ADH1B: variants seen among roughly 807,000 people sequenced by gnomAD.
The protein encoded by ADH1B is alcohol dehydrogenase 1B (class I), beta polypeptide, also known as all-trans-retinol dehydrogenase [NAD(+)] ADH1B.
A neutral mutation model predicts 34.6 loss-of-function variants in ADH1B; 29 were observed. That is an observed-to-expected ratio of 0.84 (90% CI 0.62 to 1.14). The LOEUF is 1.14. Ranked by LOEUF, ADH1B falls within the 50% of genes most tolerant of loss-of-function variation. The probability of loss-of-function intolerance (pLI) is 0.00; values close to 1 mark genes in which losing one functional copy is unlikely to be tolerated. For missense variants in ADH1B, 424 were observed against 468.4 expected (o/e 0.91, Z 0.87); for synonymous variants, 170 against 175.5 (o/e 0.97, Z 0.25).
At position 99,310,859 on chromosome 4, in the gene ADH1B, T is replaced by C. The variant is rs1252892123; in HGVS notation, c.1009A>G (p.Met337Val). 4.3e-6 allele frequency: 7 copies of C among 1,613,502 alleles called. No homozygotes were observed. The highest frequency in any genetic ancestry group is 5.1e-6 in the Non-Finnish European group (6 of 1,179,706). ...EGIPKLVADF[M>V]AKKFSLDALI... Reference sequence around the variant, plus strand: ...GCATCCAGTGAAAACTTCTTAGCCATAAAATCAGCCACAAGTTTTGGGATA... The same window carrying C: ...GCATCCAGTGAAAACTTCTTAGCCACAAAATCAGCCACAAGTTTTGGGATA... Residue 337 changes from methionine to valine, a missense_variant, in exon 8 of 9, where the codon ATG (methionine) becomes GTG (valine). This residue lies in a region of ADH1B where 130 missense variants were observed against 151.8 expected (regional missense o/e 0.86). Coordinates refer to ENST00000305046, the MANE Select transcript of ADH1B (RefSeq NM_000668.6).
At chr4:99,317,298 A>G (rs1733909994) in intron 3 of ADH1B, 1 of 152,254 alleles carries the variant, frequency 6.6e-6, no homozygotes, top group Non-Finnish European at 1.5e-5. Flanking sequence ...AAATGATGGT[A>G]TGGCAATGTC....
In ADH1B at chr4:99,318,041, T is replaced by C. The variant is rs1733928126; in HGVS notation, c.259+5A>G. 3.1e-6 allele frequency: 5 copies of C among 1,613,850 alleles called. No individual in the cohort carries two copies. Among genetic ancestry groups the C allele is most frequent in the African/African-American group, 2.7e-5 (2 of 74,906 alleles). ...ACACGTGTTCCCTGAGTGTGAATCC[T>C]GTACCTGGTTTGACTGTAGTCACCC... On this transcript the variant is annotated splice_donor_5th_base_variant and intron_variant, in intron 3 of 8. Transcript: ENST00000305046.
chr4:99,314,070 G>C lies in ADH1B; in HGVS notation c.579C>G (p.Gly193=), dbSNP rs1344497066. The C allele has an allele frequency of 6.2e-7, 1 of 1,613,660 alleles. No homozygotes were observed. Among genetic ancestry groups the C allele is most frequent in the Admixed American group, 1.7e-5 (1 of 59,938 alleles). ...SAVNVAKVTP[G]STCAVFGLGG... ...CCAGGCCAAACACAGCACAGGTAGA[G>C]CCTGGGGTGACCTGTGTTTTCAGAA... The change falls in exon 6 of 9, where the codon GGC becomes GGG. Residue 193 remains glycine, a synonymous_variant. Coordinates refer to ENST00000305046, the MANE Select transcript of ADH1B (RefSeq NM_000668.6).
intron 5 of ADH1B, 114 bp downstream of exon 5, chr4:99,315,784 T>C: frequency 7.5e-7 from 1 of 1,340,440 alleles, no homozygotes; most frequent in Non-Finnish European, 1.0e-6. Context: ...TTTCTACTCA[T>C]AATCGACACT....
chr4:99,316,182 A>G (rs1452045299), intron 4 of ADH1B, 33 bp downstream of exon 4: 3 of 1,613,542 alleles, frequency 1.9e-6, no homozygotes, highest in Non-Finnish European at 2.5e-6. Flanking sequence ...GTGCAAACTC[A>G]AAGTCTGTGC....
intron 7 of ADH1B, 107 bp downstream of exon 7, chr4:99,311,414 A>C: frequency 7.5e-7 from 1 of 1,334,778 alleles, no homozygotes. Flanking sequence ...TTGTTTTCAA[A>C]ATCTTGCCTT....
At chr4:99,315,765 T>C in intron 5 of ADH1B, 133 bp downstream of exon 5, 1 of 1,101,936 alleles carries the variant, frequency 9.1e-7, no homozygotes, top group Non-Finnish European at 1.3e-6. Flanking sequence ...CAATTCTTTC[T>C]GGGCCATTTT....
chr4:99,318,330 G>T (rs1011643543), intron 2 of ADH1B, 146 bp from the exon 3 acceptor site: 1 of 1,074,690 alleles, frequency 9.3e-7, no homozygotes, highest in Non-Finnish European at 1.4e-6. Context: ...GAAAGATTCA[G>T]TTTATCCCCA....
rs1733574941 is a variant in ADH1B at position 99,305,337 on chromosome 4, GA to G, written c.*2502del. On this transcript the variant is annotated 3_prime_UTR_variant, in exon 9 of 9. Coordinates refer to ENST00000305046, the MANE Select transcript of ADH1B (RefSeq NM_000668.6). Reference sequence around the variant, plus strand: ...CACTTTATTTGTTTTCATATATCATGAGAAGTCAAAGAATCAAAGCAATATA... The same window carrying G: ...CACTTTATTTGTTTTCATATATCATGGAAGTCAAAGAATCAAAGCAATATA... 2.0e-5 allele frequency: 3 copies of G among 147,278 alleles called. No homozygotes were observed. 9.1% of individuals were successfully genotyped at this position (147,278 alleles called of 1,614,324 possible). A position where few individuals can be genotyped will look rare whatever the true frequency, so the allele number is the denominator to read the frequency against.
chr4:99,314,200 G>A (rs979951950), intron 5 of ADH1B, 119 bp from the exon 6 acceptor site: 44 of 1,478,906 alleles, frequency 3.0e-5, no homozygotes, highest in Admixed American at 1.2e-4. Context: ...TTGTCCAACC[G>A]TTTATCAAAA....
At chr4:99,318,319 T>C in intron 2 of ADH1B, 135 bp from the exon 3 acceptor site, 1 of 1,190,896 alleles carries the variant, frequency 8.4e-7, no homozygotes, top group Non-Finnish European at 1.2e-6. Flanking sequence ...TTCCTAAATA[T>C]GAAAGATTCA....
rs1461346472 is a variant in ADH1B at position 99,318,194 on chromosome 4, A to G, written c.121-10T>C. ...TTCCTACAGCCACCATCTACAGAAT[A>G]AAGAGAAGCTGTTCAGATTCAGAAA... is the stretch of plus-strand genomic sequence containing the variant. On this transcript the variant is annotated splice_polypyrimidine_tract_variant and intron_variant, in intron 2 of 8. Coordinates refer to ENST00000305046, the MANE Select transcript of ADH1B (RefSeq NM_000668.6). 1.2e-6 allele frequency: 2 copies of G among 1,613,862 alleles called. No homozygotes were observed. Among genetic ancestry groups the G allele is most frequent in the Non-Finnish European group, 1.7e-6 (2 of 1,179,910 alleles).
chr4:99,307,451 G>A lies in ADH1B; in HGVS notation c.*389C>T. Reference sequence around the variant, plus strand: ...GAGTTAGAAGACTTCAATCACAATGGCCCAGCATGTGTATGTTCAGGGCAA... The same window carrying A: ...GAGTTAGAAGACTTCAATCACAATGACCCAGCATGTGTATGTTCAGGGCAA... On this transcript the variant is annotated 3_prime_UTR_variant, in exon 9 of 9. Transcript: ENST00000305046. 3.9e-6 allele frequency: 1 copy of A among 258,656 alleles called. No homozygotes were observed. The highest frequency in any genetic ancestry group is 7.4e-6 in the Non-Finnish European group (1 of 134,908). 16.0% of individuals were successfully genotyped at this position (258,656 alleles called of 1,614,324 possible). A position where few individuals can be genotyped will look rare whatever the true frequency, so the allele number is the denominator to read the frequency against.
chr4:99,317,373 T>C (rs1391290058), intron 3 of ADH1B: 1 of 152,226 alleles, frequency 6.6e-6, no homozygotes, highest in African/African-American at 2.4e-5. Context: ...GTAAAATAAA[T>C]ATTGAAGATG....
In ADH1B at chr4:99,314,014, C is replaced by T; in HGVS notation, c.635G>A (p.Cys212Tyr). 6.2e-7 allele frequency: 1 copy of T among 1,614,212 alleles called. No homozygotes were observed. The highest frequency in any genetic ancestry group is 8.5e-7 in the Non-Finnish European group (1 of 1,180,028). The change falls in exon 6 of 9, where the codon TGT (cysteine) becomes TAT (tyrosine). Residue 212 changes from cysteine to tyrosine, a missense_variant. Transcript: ENST00000305046. ...GGVGLSAVMGCKAAGAARIIA... is the reference protein window; with the variant it reads ...GGVGLSAVMGYKAAGAARIIA... ...GATTCTGGCTGCTCCAGCTGCTTTA[C>T]AGCCCATAACAGCAGATAGGCCGAC...
chr4:99,318,454 T>TA, intron 2 of ADH1B: 1 of 525,336 alleles, frequency 1.9e-6, no homozygotes. Context: ...GAATGCACGC[T>TA]TTAAAAAATA....
intron 6 of ADH1B, among the ~76,000 whole-genome samples, chr4:99,312,726 G>T (rs1238108516): frequency 6.6e-6 from 1 of 152,170 alleles, no homozygotes; most frequent in East Asian, 1.9e-4. Flanking sequence ...GGTGGCTTGT[G>T]CCTATACTCT....
At chr4:99,314,248 G>A in intron 5 of ADH1B, 167 bp from the exon 6 acceptor site, 1 of 1,147,194 alleles carries the variant, frequency 8.7e-7, no homozygotes, top group Admixed American at 2.8e-5. Flanking sequence ...TTAAATTCAA[G>A]GGGATGAACT....
Position 99,310,756 on chromosome 4 carries a change from A to C in ADH1B, c.1103+9T>G. The C allele has an allele frequency of 2.5e-6, 4 of 1,602,040 alleles. 1 individual carries two copies. In the South Asian group the frequency reaches 4.5e-5, roughly 18 times the overall value. On this transcript the variant is annotated intron_variant, in intron 8 of 8. Transcript: ENST00000305046. ...AAAAAGCAAAACAGAAAACTAACTT[A>C]AAATCTACCTTTTCCCAGAGTGAAG...
Sources: gnomAD v4.1 joint callset for allele counts (sites outside exome capture counted in the v4.1 genomes callset) on GRCh38, gnomAD v4.1.1 for gene constraint, gnomAD v4.1.1 regional missense constraint, MANE v1.5 for transcripts, NCBI Gene and HGNC (gene_info 2026-07-23, HGNC 2026-07-21) for gene names.